KCNAB2: variants seen among roughly 807,000 people sequenced by gnomAD.
KCNAB2 encodes the protein voltage-gated potassium channel subunit beta-2.
In KCNAB2, 29 loss-of-function variants were observed where a neutral mutation model predicts 63.6. That is an observed-to-expected ratio of 0.46 (90% confidence interval 0.34 to 0.62). The LOEUF (loss-of-function observed/expected upper bound fraction) is 0.62, where lower values mean the gene tolerates loss of function less well. Ranked by LOEUF, KCNAB2 falls within the 20% of genes least tolerant of loss-of-function variation. The probability of loss-of-function intolerance (pLI) is 0.01; values close to 1 mark genes in which losing one functional copy is unlikely to be tolerated. For synonymous variants in KCNAB2, 222 were observed against 224.2 expected, an observed-to-expected ratio of 0.99 and a Z score of 0.09; for missense variants, 359 against 563.9, an observed-to-expected ratio of 0.64 and a Z score of 3.68.
At chr1:6,000,666 A>AG (rs1180814008) in intron 1 of KCNAB2, among the ~76,000 whole-genome samples, 10 of 151,666 alleles carry the variant, frequency 6.6e-5, no homozygotes, top group South Asian at 2.1e-4. Context: ...GAAAAAAAAA[A>AG]AAAAGAAAAC....
rs1292984882 is a variant in KCNAB2 at position 6,046,037 on chromosome 1, A to T, written c.-173A>T. ...TGCCTCAAAACTCGACTCTGGTGGG[A>T]CTCATCTCATTCACCAATTGCTTCT... On this transcript the variant is annotated 5_prime_UTR_variant, in exon 1 of 16. Transcript: ENST00000378083. 9.1e-6 allele frequency: 9 copies of T among 984,342 alleles called. No homozygotes were observed. The highest frequency in any genetic ancestry group is 1.1e-5 in the Non-Finnish European group (9 of 829,138). 61.0% of individuals were successfully genotyped at this position (984,342 alleles called of 1,614,324 possible).
intron 1 of KCNAB2, among the ~76,000 whole-genome samples, chr1:6,050,918 T>A (rs553209659): frequency 6.6e-6 from 1 of 152,252 alleles, no homozygotes; most frequent in Admixed American, 6.5e-5. Context: ...GTTGTATAGA[T>A]AGCATTTCCC....
intron 1 of KCNAB2, among the ~76,000 whole-genome samples, chr1:6,006,846 A>G (rs995337697): frequency 2.0e-5 from 3 of 150,874 alleles, no homozygotes; most frequent in African/African-American, 7.3e-5. Flanking sequence ...CTTTCCCCTC[A>G]ACTTCTTCCA....
intron 1 of KCNAB2, among the ~76,000 whole-genome samples, chr1:6,007,140 G>A (rs1657845914): frequency 6.6e-6 from 1 of 152,182 alleles, no homozygotes; most frequent in Non-Finnish European, 1.5e-5. Context: ...AGCCAGGCGA[G>A]CTGGGAGCGC....
At chr1:6,039,804 G>A (rs1247220101) in intron 1 of KCNAB2, among the ~76,000 whole-genome samples, 2 of 152,236 alleles carry the variant, frequency 1.3e-5, no homozygotes, top group East Asian at 3.9e-4. Flanking sequence ...GCCCGAGGCT[G>A]CCCTCAGTTC....
chr1:6,017,972 G>A (rs2100313468), intron 1 of KCNAB2, among the ~76,000 whole-genome samples: 1 of 152,308 alleles, frequency 6.6e-6, no homozygotes, highest in Non-Finnish European at 1.5e-5. Flanking sequence ...GAATGCAATA[G>A]TGTGATCATA....
chr1:6,079,712 G>T (rs1381798999), intron 4 of KCNAB2, among the ~76,000 whole-genome samples: 1 of 152,178 alleles, frequency 6.6e-6, no homozygotes, highest in African/African-American at 2.4e-5. Context: ...TGGGGCTGGA[G>T]GCAGGGAGCG....
rs114911150 is a variant in KCNAB2 at position 5,994,256 on chromosome 1, C to T, written c.-53+1468C>T. On this transcript the variant is annotated intron_variant, in intron 1 of 16. Transcript: ENST00000341524. The surrounding 1 kb of genome is among the most constrained non-coding windows in gnomAD (Gnocchi z 5.4). The stretch of plus-strand genomic sequence containing the variant: ...TGCTAAGGAAGCCGCATTCAGGCCC[C>T]GCGTTGCAGGTTGCAGGGTTTGGGG... 0.02 allele frequency among the ~76,000 whole-genome samples: 3,023 copies of T among 152,316 alleles called. 76 individuals are homozygous for T. Among genetic ancestry groups the T allele is most frequent in the African/African-American group, 0.057 (2,370 of 41,548 alleles).
chr1:6,064,391 A>G (rs951076732), intron 2 of KCNAB2, among the ~76,000 whole-genome samples: 9 of 152,218 alleles, frequency 5.9e-5, no homozygotes, highest in South Asian at 2.1e-4. Flanking sequence ...GAACAAATCA[A>G]TGTGATCCTT....
intron 1 of KCNAB2, chr1:5,995,798 G>A (rs1656908312): frequency 6.6e-6 from 1 of 152,324 alleles, no homozygotes; most frequent in Admixed American, 6.5e-5. Context: ...GCACAGAGCA[G>A]CAGTGAAACT....
At chr1:6,082,449 G>T (rs527845987) in intron 5 of KCNAB2, among the ~76,000 whole-genome samples, 175 bp downstream of exon 5, 5 of 152,186 alleles carry the variant, frequency 3.3e-5, no homozygotes, top group African/African-American at 1.2e-4. Flanking sequence ...GGCTGGAATT[G>T]CAGAACACTT....
Position 6,051,628 on chromosome 1 carries a change from C to T in KCNAB2, c.92C>T (p.Thr31Met), listed in dbSNP as rs750379162. ...CTGCACCCCGTCCGCCAGACGGACA[C>T]GCTGGAACTGCAGCGGCTGCGGGAG... ...WALHPVRQTD[T>M]LELQRLREVR... The change falls in exon 2 of 16, where the codon ACG becomes ATG. Residue 31 changes from threonine to methionine, a missense_variant. Physicochemically the swap from Thr to Met is moderately conservative, Grantham distance 81 (BLOSUM62 -1). This residue lies in a region of KCNAB2 where 88 missense variants were observed against 87.8 expected (regional missense o/e 1.00). Coordinates refer to ENST00000378083, the MANE Select transcript of KCNAB2 (RefSeq NM_001199862.2). 23 of 1,534,518 alleles carry T rather than the reference C, an allele frequency of 1.5e-5. No individual in the cohort carries two copies. The highest frequency in any genetic ancestry group is 1.9e-4 in the Middle Eastern group (1 of 5,148).
At chr1:6,038,223 C>T (rs969457538) in intron 1 of KCNAB2, among the ~76,000 whole-genome samples, 1 of 151,972 alleles carries the variant, frequency 6.6e-6, no homozygotes, top group Non-Finnish European at 1.5e-5. Context: ...CGTCACCAAG[C>T]CCCACCACTT....
At chr1:6,040,533 A>G (rs377145481) in exon 2 of KCNAB2, 52 of 1,597,258 alleles carry the variant, frequency 3.3e-5, no homozygotes, top group Non-Finnish European at 4.5e-5. Flanking sequence ...CCCACTGTAA[A>G]AAACCGAGCA....
At chr1:5,995,485 G>A (rs116660547) in intron 1 of KCNAB2, among the ~76,000 whole-genome samples, 3,173 of 152,352 alleles carry the variant, frequency 0.021, 84 homozygotes, top group African/African-American at 0.069. Flanking sequence ...ATTCATGGGC[G>A]CAGCCAGTGC....
chr1:6,059,481 T>C (rs1409240692), intron 2 of KCNAB2, among the ~76,000 whole-genome samples: 1 of 152,160 alleles, frequency 6.6e-6, no homozygotes, highest in Non-Finnish European at 1.5e-5. Context: ...TGAGCCACTG[T>C]GCCCAGCCAC....
At position 5,994,844 on chromosome 1, in the gene KCNAB2, G is replaced by A. The variant is rs1570802425; in HGVS notation, c.-53+2056G>A. 1.3e-5 allele frequency among the ~76,000 whole-genome samples: 2 copies of A among 152,178 alleles called. No homozygotes were observed. Among genetic ancestry groups the A allele is most frequent in the East Asian group, 3.9e-4 (2 of 5,184 alleles). ...TCAGTCATCTTCTAAGACCCAAATG[G>A]TTCAGGAGGAAGCGAGTGCCACACA... On this transcript the variant is annotated intron_variant, in intron 1 of 16. Coordinates refer to the KCNAB2 transcript ENST00000341524. This position sits in a 1 kb window ranked among gnomAD's most constrained non-coding sequence, Gnocchi z 5.4.
chr1:6,012,014 AGAGGTGGAGGTGATGGAGGTGAAAGTG>A (rs1488474041), intron 1 of KCNAB2, among the ~76,000 whole-genome samples: 1 of 151,234 alleles, frequency 6.6e-6, no homozygotes, highest in Non-Finnish European at 1.5e-5. Flanking sequence ...TGGTGGTGGT[AGAGGTGGAGGTGATGGAGGTGAAAGTG>A]GAGGTGGTGG....
intron 1 of KCNAB2, among the ~76,000 whole-genome samples, chr1:6,014,995 A>G (rs1192601440): frequency 1.2e-5 from 1 of 85,020 alleles, no homozygotes; most frequent in South Asian, 3.7e-4. Context: ...CCTTAATTTT[A>G]TTACAGACGG....
Sources: allele counts gnomAD v4.1 joint callset (sites outside exome capture counted in the v4.1 genomes callset), GRCh38; gene constraint gnomAD v4.1.1; regional missense constraint gnomAD v4.1.1; non-coding constraint Gnocchi (gnomAD v3.1); transcripts MANE v1.5; gene names NCBI Gene and HGNC (gene_info 2026-07-23, HGNC 2026-07-21).